The following FER variants were observed in gnomAD, a reference collection of about 807,000 sequenced individuals.
FER encodes tyrosine-protein kinase Fer.
In FER, 63 loss-of-function variants were observed where a neutral mutation model predicts 111.0. That is an observed-to-expected ratio of 0.57 (90% CI 0.46 to 0.70). The LOEUF is 0.70. Ranked by LOEUF, FER falls within the 30% of genes least tolerant of loss-of-function variation. The pLI is 0.00. For missense variants in FER, 914 were observed against 954.0 expected (o/e 0.96, Z 0.55); for synonymous variants, 327 against 313.9 (o/e 1.04, Z -0.44).
At chr5:108,906,089 G>C (rs1319693977) in intron 10 of FER, among the ~76,000 whole-genome samples, 3 of 152,100 alleles carry the variant, frequency 2.0e-5, no homozygotes, top group African/African-American at 4.8e-5. Context: ...GACTTTTTCT[G>C]TCCCCATTTC....
chr5:108,899,666 T>C (rs1314998244), intron 10 of FER, among the ~76,000 whole-genome samples: 1 of 151,358 alleles, frequency 6.6e-6, no homozygotes, highest in East Asian at 1.9e-4. Flanking sequence ...TAGCTGGGTG[T>C]GGTGGTGTGT....
chr5:108,808,597 A>G (rs530684800), intron 3 of FER, among the ~76,000 whole-genome samples: 1 of 151,994 alleles, frequency 6.6e-6, no homozygotes, highest in Admixed American at 6.6e-5. Flanking sequence ...TTTACATTCA[A>G]TATTAATATT....
At chr5:108,793,074 C>G (rs545939792) in intron 2 of FER, among the ~76,000 whole-genome samples, 1 of 152,274 alleles carries the variant, frequency 6.6e-6, no homozygotes, top group South Asian at 2.1e-4. Flanking sequence ...TTATTATTGA[C>G]TATAGTCACC....
chr5:109,062,540 T>C (rs1276960581), intron 16 of FER, among the ~76,000 whole-genome samples: 1 of 150,798 alleles, frequency 6.6e-6, no homozygotes, highest in Non-Finnish European at 1.5e-5. Flanking sequence ...GAAAAAAAAA[T>C]ATATATAACA....
intron 17 of FER, among the ~76,000 whole-genome samples, chr5:109,135,427 G>C (rs556511059): frequency 3.3e-5 from 5 of 152,286 alleles, no homozygotes; most frequent in African/African-American, 1.2e-4. Flanking sequence ...CCAAGTTTAC[G>C]CTCTTAATAG....
intron 3 of FER, among the ~76,000 whole-genome samples, chr5:108,807,231 TC>T (rs1757298077): frequency 6.6e-6 from 1 of 152,180 alleles, no homozygotes; most frequent in Non-Finnish European, 1.5e-5. Context: ...TTGTGAGGCC[TC>T]CCCAGCCACG....
chr5:108,966,849 T>C (rs997658203), intron 13 of FER, among the ~76,000 whole-genome samples: 4 of 151,962 alleles, frequency 2.6e-5, no homozygotes, highest in Admixed American at 6.6e-5. Flanking sequence ...CATAGAACAG[T>C]AACAAAGAGT....
intron 10 of FER, among the ~76,000 whole-genome samples, chr5:108,944,272 A>T (rs1214723735): frequency 6.6e-6 from 1 of 152,064 alleles, no homozygotes; most frequent in African/African-American, 2.4e-5. Context: ...ACTTTTTCTG[A>T]GCATCTCATC....
chr5:108,910,380 T>G (rs1224856901), intron 10 of FER, among the ~76,000 whole-genome samples: 1 of 152,214 alleles, frequency 6.6e-6, no homozygotes, highest in Admixed American at 6.5e-5. Context: ...TACAGTGGCT[T>G]TTTATGACTT....
At chr5:108,953,271 T>C (rs1360328026) in intron 11 of FER, among the ~76,000 whole-genome samples, 1 of 151,980 alleles carries the variant, frequency 6.6e-6, no homozygotes, top group Non-Finnish European at 1.5e-5. Context: ...AAAATTGCTC[T>C]TTAAAACAAT....
intron 13 of FER, among the ~76,000 whole-genome samples, chr5:108,984,228 T>C (rs1373635545): frequency 2.6e-5 from 4 of 152,120 alleles, no homozygotes; most frequent in African/African-American, 9.7e-5. Context: ...TAAAATTCTC[T>C]TTATGGGGAG....
chr5:109,092,562 T>C (rs74888340), intron 16 of FER, among the ~76,000 whole-genome samples: 5,201 of 152,254 alleles, frequency 0.034, 143 homozygotes, highest in South Asian at 0.084. Context: ...AATAAGGTAT[T>C]ACTTTACATC....
chr5:108,820,249 C>G, intron 3 of FER: 2 of 985,168 alleles, frequency 2.0e-6, no homozygotes, highest in Non-Finnish European at 2.4e-6. Flanking sequence ...GAGGATGGCA[C>G]TAAATAAGGA....
chr5:109,066,912 A>T (rs961782358), intron 16 of FER, among the ~76,000 whole-genome samples: 4 of 152,170 alleles, frequency 2.6e-5, no homozygotes, highest in Admixed American at 2.6e-4. Context: ...GATCAGAGGG[A>T]TGGTAGCAGG....
intron 3 of FER, among the ~76,000 whole-genome samples, chr5:108,821,966 A>G (rs1483288763): frequency 6.6e-6 from 1 of 152,158 alleles, no homozygotes; most frequent in African/African-American, 2.4e-5. Context: ...TTAATCCTGC[A>G]TAACTGAAAC....
chr5:108,903,334 T>A (rs1750306370), intron 10 of FER, among the ~76,000 whole-genome samples: 1 of 152,226 alleles, frequency 6.6e-6, no homozygotes, highest in Admixed American at 6.5e-5. Flanking sequence ...TCCTATTTTG[T>A]TACATTTTCA....
intron 17 of FER, among the ~76,000 whole-genome samples, chr5:109,165,889 G>C (rs1266549057): frequency 2.0e-5 from 3 of 151,564 alleles, no homozygotes; most frequent in Admixed American, 6.6e-5. Flanking sequence ...GACCAAAACT[G>C]GCTGTCTATC....
intron 3 of FER, chr5:108,820,228 A>T (rs1292879306): frequency 2.0e-6 from 2 of 985,322 alleles, no homozygotes; most frequent in Admixed American, 1.2e-4. Context: ...TATAAAAGTC[A>T]AGGAGTTTGT....
At chr5:109,133,536 G>A (rs1454789676) in intron 17 of FER, among the ~76,000 whole-genome samples, 3 of 152,066 alleles carry the variant, frequency 2.0e-5, no homozygotes, top group Non-Finnish European at 4.4e-5. Flanking sequence ...GTTTTAAATG[G>A]CAGAAATTTT....
Sources: gnomAD v4.1 joint callset for allele counts (sites outside exome capture counted in the v4.1 genomes callset) on GRCh38, gnomAD v4.1.1 for gene constraint, MANE v1.5 for transcripts, NCBI Gene and HGNC (gene_info 2026-07-23, HGNC 2026-07-21) for gene names.